The following UPP2 variants were observed in gnomAD, a reference collection of about 807,000 sequenced individuals.
UPP2 encodes the protein UPase 2.
UPP2 carries 23 observed loss-of-function variants against 26.7 expected under a neutral mutation model. The observed-to-expected ratio is 0.86, with a 90% CI of 0.62 to 1.22. The LOEUF is 1.22. Ranked by LOEUF, UPP2 falls within the 50% of genes most tolerant of loss-of-function variation. The pLI, the probability that UPP2 is intolerant of heterozygous loss-of-function variation, is 0.00. For synonymous variants in UPP2, 127 were observed against 141.3 expected, an observed-to-expected ratio of 0.90 and a Z score of 0.72; for missense variants, 387 against 396.7, an observed-to-expected ratio of 0.98 and a Z score of 0.21.
At chr2:158,039,180 T>C (rs1038461696) in intron 3 of UPP2, among the ~76,000 whole-genome samples, 5 of 152,154 alleles carry the variant, frequency 3.3e-5, no homozygotes, top group African/African-American at 1.2e-4. Flanking sequence ...GGGGCCTGGG[T>C]GTACCCTAGG....
intron 3 of UPP2, among the ~76,000 whole-genome samples, chr2:158,041,914 G>C (rs1048274505): frequency 1.3e-5 from 2 of 152,166 alleles, no homozygotes; most frequent in African/African-American, 4.8e-5. Flanking sequence ...CCTTGGTTGG[G>C]AGACACCATT....
In UPP2 at chr2:158,123,848, T is replaced by C; in HGVS notation, c.764T>C (p.Met255Thr). 1.2e-6 allele frequency: 2 copies of C among 1,614,082 alleles called. No individual in the cohort carries two copies. Among genetic ancestry groups the C allele is most frequent in the Non-Finnish European group, 8.5e-7 (1 of 1,179,944 alleles). ...AAAGCTGGTGTCAGGAATATTGAAATGGAATCTACAGTGTTTGCAGCTATG... is the reference window on the plus strand; with the variant it reads ...AAAGCTGGTGTCAGGAATATTGAAACGGAATCTACAGTGTTTGCAGCTATG... ...AFKAGVRNIE[M>T]ESTVFAAMCG... The change falls in exon 6 of 7, where the codon ATG becomes ACG. Residue 255 changes from methionine (M) to threonine (T), a missense_variant. Physicochemically the swap from Met to Thr is moderately conservative, Grantham distance 81. Transcript: ENST00000005756.
At chr2:158,060,983 G>A (rs1432895400) in intron 3 of UPP2, among the ~76,000 whole-genome samples, 1 of 152,174 alleles carries the variant, frequency 6.6e-6, no homozygotes, top group Non-Finnish European at 1.5e-5. Flanking sequence ...TTGAGTGATA[G>A]CATGTCCTTA....
chr2:158,082,948 T>G (rs1055467448), intron 3 of UPP2, among the ~76,000 whole-genome samples: 2 of 151,750 alleles, frequency 1.3e-5, no homozygotes, highest in African/African-American at 4.8e-5. Context: ...AACAAACATA[T>G]GAAAGAAAGC....
intron 3 of UPP2, among the ~76,000 whole-genome samples, chr2:158,081,135 C>G (rs1682717247): frequency 6.6e-6 from 1 of 152,058 alleles, no homozygotes; most frequent in Non-Finnish European, 1.5e-5. Context: ...AATTAAATCA[C>G]AGAATATAGA....
intron 3 of UPP2, among the ~76,000 whole-genome samples, chr2:158,049,673 G>A (rs1424426304): frequency 1.3e-5 from 2 of 152,120 alleles, no homozygotes; most frequent in Non-Finnish European, 2.9e-5. Context: ...GAGGAGGAGC[G>A]CCAGGCACTT....
chr2:158,004,206 C>G (rs1246575656), intron 2 of UPP2, among the ~76,000 whole-genome samples: 1 of 151,990 alleles, frequency 6.6e-6, no homozygotes, highest in East Asian at 1.9e-4. Context: ...GTAAATCTTG[C>G]TAGTGTTCTT....
chr2:158,123,180 T>C (rs10933459), intron 5 of UPP2, among the ~76,000 whole-genome samples: 86,012 of 151,858 alleles, frequency 0.57, 24,839 homozygotes, highest in African/African-American at 0.64. Flanking sequence ...TGAAATTCAG[T>C]GATGAATGAA....
At chr2:158,027,437 A>C (rs1367335443) in intron 3 of UPP2, among the ~76,000 whole-genome samples, 1 of 152,170 alleles carries the variant, frequency 6.6e-6, no homozygotes, top group African/African-American at 2.4e-5. Context: ...CAGGTCTCAC[A>C]TCCAGGTCAC....
chr2:158,062,214 C>G (rs1021470873), intron 3 of UPP2, among the ~76,000 whole-genome samples: 4 of 152,182 alleles, frequency 2.6e-5, no homozygotes, highest in Non-Finnish European at 5.9e-5. Flanking sequence ...CTGTACAGTG[C>G]AGTAGTCTTG....
chr2:158,012,361 G>A (rs374699995), intron 2 of UPP2, among the ~76,000 whole-genome samples: 4 of 137,722 alleles, frequency 2.9e-5, no homozygotes, highest in African/African-American at 7.7e-5. Flanking sequence ...TCTGCCTACC[G>A]GATTCAAGTG....
At chr2:158,043,899 AGTTACTT>A (rs1684115040) in intron 3 of UPP2, among the ~76,000 whole-genome samples, 1 of 152,206 alleles carries the variant, frequency 6.6e-6, no homozygotes, top group Non-Finnish European at 1.5e-5. Flanking sequence ...ACTTTAGGAA[AGTTACTT>A]AGTCACCAGG....
At chr2:158,089,969 T>C (rs778785264) in intron 3 of UPP2, among the ~76,000 whole-genome samples, 8 of 152,156 alleles carry the variant, frequency 5.3e-5, no homozygotes, top group Non-Finnish European at 1.0e-4. Flanking sequence ...CTCTACATGC[T>C]GCTCTGTCCA....
intron 2 of UPP2, among the ~76,000 whole-genome samples, chr2:158,013,435 T>C (rs1683611142): frequency 1.3e-5 from 2 of 152,246 alleles, no homozygotes; most frequent in South Asian, 4.1e-4. Flanking sequence ...ATGTTAGGGG[T>C]TGGCCTGGCT....
intron 3 of UPP2, among the ~76,000 whole-genome samples, chr2:158,028,796 G>A (rs563074832): frequency 6.6e-5 from 10 of 152,258 alleles, no homozygotes; most frequent in Non-Finnish European, 1.2e-4. Flanking sequence ...CTTACATGGC[G>A]GCAGCAAGAG....
At chr2:158,121,813 T>C (rs11894922) in intron 5 of UPP2, among the ~76,000 whole-genome samples, 195 bp downstream of exon 5, 7,985 of 152,080 alleles carry the variant, frequency 0.053, 632 homozygotes, top group African/African-American at 0.17. Context: ...TGAATTTATA[T>C]TGAGGGTGGA....
chr2:158,032,960 C>A (rs1208502065), intron 3 of UPP2, among the ~76,000 whole-genome samples: 1 of 152,068 alleles, frequency 6.6e-6, no homozygotes, highest in East Asian at 1.9e-4. Flanking sequence ...CCCTAACAGG[C>A]TTTTAGGGGG....
In UPP2 at chr2:158,101,877, T is replaced by C. The variant is rs1558930755; in HGVS notation, c.-187T>C. On this transcript the variant is annotated 5_prime_UTR_variant, in exon 1 of 7. Coordinates refer to ENST00000005756, the MANE Select transcript of UPP2 (RefSeq NM_173355.4). Reference sequence around the variant, plus strand: ...GTCAGGGAGGACATCTTTTATTTGATAGGAAAATTTAAAATGCTAAAGGAA... The same window carrying C: ...GTCAGGGAGGACATCTTTTATTTGACAGGAAAATTTAAAATGCTAAAGGAA... The C allele has an allele frequency of 3.7e-6, 5 of 1,344,542 alleles. No homozygotes were observed. The highest frequency in any genetic ancestry group is 4.7e-6 in the Non-Finnish European group (5 of 1,052,654). 83.3% of individuals were successfully genotyped at this position (1,344,542 alleles called of 1,614,324 possible).
Position 158,117,834 on chromosome 2 carries a change from G to T in UPP2, c.350G>T (p.Gly117Val), listed in dbSNP as rs1177102138. The T allele has an allele frequency of 5.6e-6, 9 of 1,610,508 alleles. No homozygotes were observed. Among genetic ancestry groups the T allele is most frequent in the African/African-American group, 1.3e-5 (1 of 74,838 alleles). Residue 117 changes from glycine to valine, a missense_variant, in exon 4 of 7, where the codon GGC becomes GTC. Transcript: ENST00000005756. The part of the protein sequence containing the change: ...GPVLAISHGM[G>V]IPSISIMLHE... ...TCTTTCTCTCAATAGCACGGCATGG[G>T]CATCCCCTCCATTTCTATTATGCTT...
Sources: allele counts gnomAD v4.1 joint callset (sites outside exome capture counted in the v4.1 genomes callset), GRCh38; gene constraint gnomAD v4.1.1; transcripts MANE v1.5; gene names NCBI Gene and HGNC (gene_info 2026-07-23, HGNC 2026-07-21).